Variants in SZT2 observed in about 807,000 individuals in gnomAD.
The protein encoded by SZT2 is KICSTOR complex protein SZT2.
A neutral mutation model predicts 404.2 loss-of-function variants in SZT2; 216 were observed. The ratio of observed to expected loss-of-function variants is 0.53; its 90% confidence interval spans 0.48 to 0.60. SZT2 has a LOEUF of 0.60. SZT2 is among the 20% of genes least tolerant of loss of function. The pLI, the probability that SZT2 is intolerant of heterozygous loss-of-function variation, is 0.00. For missense variants in SZT2, 3,857 were observed against 4,459.2 expected (o/e 0.86, Z 3.85); for synonymous variants, 1,693 against 1,749.9 (o/e 0.97, Z 0.81).
Position 43,453,420 on chromosome 1 carries a change from C to T in SZT2, c.*2940C>T, listed in dbSNP as rs764529011. ...CCCAGGGCTTTGGCATACCGCACGG[C>T]CTGCTCCAGTCCCTCTCGGAAGGCC... is the stretch of plus-strand genomic sequence containing the variant. On this transcript the variant is annotated 3_prime_UTR_variant, in exon 72 of 72. Coordinates refer to ENST00000634258, the MANE Select transcript of SZT2 (RefSeq NM_001365999.1). 1.3e-6 allele frequency: 2 copies of T among 1,560,202 alleles called. No homozygotes were observed. The highest frequency in any genetic ancestry group is 2.4e-5 in the East Asian group (1 of 41,502).
chr1:43,407,596 G>A (rs1366771392), intron 4 of SZT2, among the ~76,000 whole-genome samples: 1 of 152,022 alleles, frequency 6.6e-6, no homozygotes, highest in Non-Finnish European at 1.5e-5. Flanking sequence ...GGGAGGCTGA[G>A]GTGAAAGAAT....
At chr1:43,422,655 A>ACCCCCCCCCCCCCT in intron 13 of SZT2, 23 bp downstream of exon 13, 1 of 1,095,026 alleles carries the variant, frequency 9.1e-7, no homozygotes. Flanking sequence ...ATGTCCCTTC[A>ACCCCCCCCCCCCCT]CCCCCCGCCC....
At chr1:43,434,625 G>GC in intron 41 of SZT2, 140 bp downstream of exon 41, 1 of 778,920 alleles carries the variant, frequency 1.3e-6, no homozygotes, top group Admixed American at 2.6e-5. Context: ...TTAGTAGGAT[G>GC]CTGTTTCTCC....
At position 43,430,401 on chromosome 1, in the gene SZT2, A is replaced by G. The variant is rs1653722541; in HGVS notation, c.4480+12A>G. The G allele has an allele frequency of 6.2e-7, 1 of 1,606,666 alleles. No individual in the cohort carries two copies. Among genetic ancestry groups the G allele is most frequent in the Non-Finnish European group, 8.5e-7 (1 of 1,176,092 alleles). The stretch of plus-strand genomic sequence containing the variant: ...TATGGGAGAAGAAGGTATGTGGGCA[A>G]GTGAGTCAAGGTGGGGAAGGCTGGC... On this transcript the variant is annotated intron_variant, in intron 31 of 71. Coordinates refer to ENST00000634258, the MANE Select transcript of SZT2 (RefSeq NM_001365999.1).
rs769080090 is a variant in SZT2, at chr1:43,424,751, C to T, written c.2472-33C>T. On this transcript the variant is annotated intron_variant, in intron 16 of 71. Transcript: ENST00000634258. The surrounding 1 kb of genome is among the most constrained non-coding windows in gnomAD (Gnocchi z 4.1). ...GTCTCAGTGTCTCTTCTTCCCTTAT[C>T]CTGGCCTTGCCCCGGCCTTTATGGG... 1 of 1,590,802 alleles carries T rather than the reference C, an allele frequency of 6.3e-7. No homozygotes were observed. Among genetic ancestry groups the T allele is most frequent in the South Asian group, 1.1e-5 (1 of 90,386 alleles).
rs773348114 is a variant in SZT2, at chr1:43,439,706, G to A, written c.6979G>A (p.Glu2327Lys). Residue 2327 changes from glutamate (E) to lysine (K), a missense_variant, in exon 50 of 72, where the codon GAG (glutamate) becomes AAG (lysine). Glu to Lys is a moderately conservative substitution (Grantham distance 56). Transcript: ENST00000634258. The surrounding 1 kb of genome is among the most constrained non-coding windows in gnomAD (Gnocchi z 4.2). ...TCCGGGGCCCCCAGACCCACTGCGA[G>A]AGGAGGAATTTGAGCAACTGACCCA... ...SSPGPPDPLR[E>K]EEFEQLTQVI... is the part of the protein sequence containing the mutation. 2 of 1,612,094 alleles carry A rather than the reference G, an allele frequency of 1.2e-6. No individual in the cohort carries two copies. The highest frequency in any genetic ancestry group is 1.7e-6 in the Non-Finnish European group (2 of 1,178,980).
intron 63 of SZT2, 69 bp from the exon 64 acceptor site, chr1:43,446,110 A>C: frequency 6.2e-7 from 1 of 1,601,290 alleles, no homozygotes; most frequent in South Asian, 1.1e-5. Context: ...TCAGGGTCCA[A>C]GGGACTTCCA....
chr1:43,427,169 T>C lies in SZT2; in HGVS notation c.3423T>C (p.Ala1141=). 2 of 1,614,214 alleles carry C rather than the reference T, an allele frequency of 1.2e-6. No individual in the cohort carries two copies. The highest frequency in any genetic ancestry group is 1.1e-5 in the South Asian group (1 of 91,088). ...PQHVFLTFLP[A]TFSDVQRLAA... is the part of the protein sequence containing the mutation. ...ATGTGTTTCTGACTTTTCTCCCAGC[T>C]ACCTTCTCAGGTGCCAGCTGCTGAC... is the stretch of plus-strand genomic sequence containing the variant. Residue 1141 remains alanine (A), a synonymous_variant, in exon 24 of 72, where the codon GCT becomes GCC. Coordinates refer to ENST00000634258, the MANE Select transcript of SZT2 (RefSeq NM_001365999.1).
chr1:43,423,348 A>C, intron 15 of SZT2, 32 bp downstream of exon 15: 1 of 1,513,866 alleles, frequency 6.6e-7, no homozygotes, highest in Non-Finnish European at 8.8e-7. Context: ...GGCGTGGCTT[A>C]GCAGGGTATG....
In SZT2 at chr1:43,453,555, C is replaced by T. The variant is rs975737999; in HGVS notation, c.*3075C>T. 1 of 1,520,022 alleles carries T rather than the reference C, an allele frequency of 6.6e-7. No homozygotes were observed. The highest frequency in any genetic ancestry group is 2.5e-5 in the East Asian group (1 of 40,506). The allele number at this position is 1,520,022 out of a possible 1,614,324, so 94.2% of individuals were successfully genotyped here. ...GGACACTCCCCTGCCCGCGCCCCGG[C>T]ACCCCCCAGCCCTCCCAGCCCTCCC... On this transcript the variant is annotated 3_prime_UTR_variant, in exon 72 of 72. Coordinates refer to ENST00000634258, the MANE Select transcript of SZT2 (RefSeq NM_001365999.1).
rs1654960306 is a variant in SZT2 at position 43,440,579 on chromosome 1, ATATGCTGGT to A, written c.7338_7344+2del. On this transcript the variant is annotated splice_donor_variant and coding_sequence_variant, in exon 52 of 72. Transcript: ENST00000634258. LOFTEE classifies it high-confidence loss of function. ...AAAGCGGGCCGGCGTAGCTTCTGGG[ATATGCTGGT>A]AATGGAAGAAGTGGTGAAGTGGGCA... 1 of 1,591,704 alleles carries A rather than the reference ATATGCTGGT, an allele frequency of 6.3e-7. No individual in the cohort carries two copies. The highest frequency in any genetic ancestry group is 1.8e-5 in the Admixed American group (1 of 55,612).
At chr1:43,416,244 G>GT (rs1651706218) in intron 6 of SZT2, 143 bp downstream of exon 6, 11 of 1,096,700 alleles carry the variant, frequency 1.0e-5, no homozygotes, top group Non-Finnish European at 1.4e-5. Context: ...ATGTAAGTCT[G>GT]TATTAGTGTG....
chr1:43,437,183 A>C lies in SZT2; in HGVS notation c.6047A>C (p.Asp2016Ala), dbSNP rs1654545244. The C allele has an allele frequency of 6.2e-7, 1 of 1,614,010 alleles. No homozygotes were observed. The highest frequency in any genetic ancestry group is 1.7e-5 in the Admixed American group (1 of 60,004). Residue 2016 changes from aspartate to alanine, a missense_variant, in exon 43 of 72, where the codon GAT (aspartate) becomes GCT (alanine). Around this residue, in one of 7 missense-constraint regions of SZT2, gnomAD observed 1,725 missense variants for 1,881.0 expected, o/e 0.92. Transcript: ENST00000634258. The surrounding 1 kb of genome is among the most constrained non-coding windows in gnomAD (Gnocchi z 5.3). ...APLPSDDYAA[D>A]ESCAPRGYLA... ...CCCCCTCACCCAGATTATGCTGCTG[A>C]TGAGAGCTGTGCGCCCCGTGGGTAC...
intron 4 of SZT2, among the ~76,000 whole-genome samples, chr1:43,414,139 G>C (rs1402344655): frequency 1.3e-5 from 2 of 151,938 alleles, no homozygotes; most frequent in African/African-American, 4.8e-5. Context: ...AAAATTACCT[G>C]GGTGTGGTGG....
chr1:43,441,785 G>C lies in SZT2; in HGVS notation c.7709G>C (p.Gly2570Ala). ...ACCGCACTGGTCACCTCAATGGCTG[G>C]AGACACCAGTGTCCGCATCTTTGAG... is the stretch of plus-strand genomic sequence containing the variant. Reference protein sequence around the residue: ...EFTALVTSMAGDTSVRIFEQH... With the variant: ...EFTALVTSMAADTSVRIFEQH... The change falls in exon 55 of 72, where the codon GGA becomes GCA. Residue 2570 changes from glycine to alanine, a missense_variant. Transcript: ENST00000634258. This position sits in a 1 kb window ranked among gnomAD's most constrained non-coding sequence, Gnocchi z 4.8. The C allele has an allele frequency of 6.2e-7, 1 of 1,614,132 alleles. No individual in the cohort carries two copies. Among genetic ancestry groups the C allele is most frequent in the Non-Finnish European group, 8.5e-7 (1 of 1,180,036 alleles).
chr1:43,406,518 ACT>A (rs367610245), intron 4 of SZT2: 1 of 154,664 alleles, frequency 6.5e-6, no homozygotes, highest in Non-Finnish European at 1.4e-5. Context: ...ATGAACCTGT[ACT>A]CTCAATCACA....
Position 43,450,392 on chromosome 1 carries a change from G to GC in SZT2, c.10217dup (p.Ala3407CysfsTer40), listed in dbSNP as rs1656254998. On this transcript the variant is annotated frameshift_variant, in exon 72 of 72. Coordinates refer to ENST00000634258, the MANE Select transcript of SZT2 (RefSeq NM_001365999.1). LOFTEE classifies it high-confidence loss of function. This position sits in a 1 kb window ranked among gnomAD's most constrained non-coding sequence, Gnocchi z 4.3. ...CCAGTACAGCCCCAGGACAGCGAGAGCCCCCCTGCCCAACTGGTCTCCACC... is the reference window on the plus strand; with the variant it reads ...CCAGTACAGCCCCAGGACAGCGAGAGCCCCCCCTGCCCAACTGGTCTCCACC... 6.2e-7 allele frequency: 1 copy of GC among 1,614,040 alleles called. No homozygotes were observed. The highest frequency in any genetic ancestry group is 8.5e-7 in the Non-Finnish European group (1 of 1,179,982).
At position 43,423,245 on chromosome 1, in the gene SZT2, G is replaced by A. The variant is rs1652640826; in HGVS notation, c.2184G>A (p.Gly728=). The A allele has an allele frequency of 1.9e-6, 3 of 1,587,548 alleles. No individual in the cohort carries two copies. The highest frequency in any genetic ancestry group is 3.4e-5 in the Admixed American group (2 of 58,892). Residue 728 remains glycine (G), a synonymous_variant, in exon 15 of 72, where the codon GGG becomes GGA. Transcript: ENST00000634258. ...CCTCCAAGTCACCCCCCGTGCTGGG[G>A]CCACAGCAGGCCCTGTCTGACCGGC... ...SSPSKSPPVL[G]PQQALSDRPC... is the part of the protein sequence containing the mutation.
chr1:43,449,606 A>G (rs544074293), intron 70 of SZT2: 12 of 183,436 alleles, frequency 6.5e-5, no homozygotes, highest in Non-Finnish European at 1.4e-4. Flanking sequence ...ACTGTCTGCA[A>G]GGTCTGTGGG....
Sources: allele counts gnomAD v4.1 joint callset (sites outside exome capture counted in the v4.1 genomes callset), GRCh38; gene constraint gnomAD v4.1.1; regional missense constraint gnomAD v4.1.1; non-coding constraint Gnocchi (gnomAD v3.1); transcripts MANE v1.5; gene names NCBI Gene and HGNC (gene_info 2026-07-23, HGNC 2026-07-21).